The following CAB39 variants were observed in gnomAD, a reference collection of about 807,000 sequenced individuals.
CAB39 encodes calcium binding protein 39.
A neutral mutation model predicts 40.0 loss-of-function variants in CAB39; 8 were observed. That is an observed-to-expected ratio of 0.20 (90% CI 0.12 to 0.36). The LOEUF (loss-of-function observed/expected upper bound fraction) is 0.36. CAB39 is among the 10% of genes least tolerant of loss of function. The pLI is 1.00. For synonymous variants in CAB39, 156 were observed against 141.6 expected (o/e 1.10, Z -0.72); for missense variants, 270 against 401.1 (o/e 0.67, Z 2.79).
intron 1 of CAB39, among the ~76,000 whole-genome samples, chr2:230,754,629 C>T (rs1189043016): frequency 6.6e-6 from 1 of 152,174 alleles, no homozygotes; most frequent in East Asian, 1.9e-4. Flanking sequence ...AGCAGTCCTC[C>T]TGCCTCAGTC....
chr2:230,769,420 CATTT>C (rs1202111943), intron 2 of CAB39, among the ~76,000 whole-genome samples: 2 of 152,160 alleles, frequency 1.3e-5, no homozygotes, highest in East Asian at 3.8e-4. Flanking sequence ...ACCTGATTGA[CATTT>C]ATAGAACACT....
At chr2:230,720,997 G>A (rs541726805) in intron 1 of CAB39, among the ~76,000 whole-genome samples, 210 of 152,156 alleles carry the variant, frequency 1.4e-3, no homozygotes, top group Non-Finnish European at 2.1e-3. Context: ...TCTCTAGATT[G>A]TAATTTATTT....
chr2:230,813,500 G>T (rs1215274222), intron 6 of CAB39, among the ~76,000 whole-genome samples: 1 of 152,064 alleles, frequency 6.6e-6, no homozygotes, highest in African/African-American at 2.4e-5. Context: ...CACCTTCGTT[G>T]TCGGCCTGGT....
rs1160253213 is a variant in CAB39 at position 230,813,978 on chromosome 2, C to CTTTTTTTTTTTTT, written c.628-49_628-37dup. The CTTTTTTTTTTTTT allele has an allele frequency of 4.8e-4, 54 of 113,126 alleles. 13 individuals carry two copies. Among genetic ancestry groups the CTTTTTTTTTTTTT allele is most frequent in the East Asian group, 6.8e-4 (2 of 2,924 alleles). 7.0% of individuals were successfully genotyped at this position (113,126 alleles called of 1,614,324 possible). Reference sequence around the variant, plus strand: ...CTAATTTACAATGTTACCTACCAGTCTTTTTTTTTTTTTTTTTTTTTTTTT... The same window carrying CTTTTTTTTTTTTT: ...CTAATTTACAATGTTACCTACCAGTCTTTTTTTTTTTTTTTTTTTTTTTTTTTTTTTTTTTTTT... On this transcript the variant is annotated intron_variant, in intron 6 of 8. Coordinates refer to ENST00000258418, the MANE Select transcript of CAB39 (RefSeq NM_016289.4).
intron 1 of CAB39, among the ~76,000 whole-genome samples, chr2:230,724,726 C>G (rs1354214082): frequency 7.0e-6 from 1 of 142,318 alleles, no homozygotes; most frequent in Non-Finnish European, 1.5e-5. Flanking sequence ...AAAAAAACCT[C>G]TATGAGTAGT....
intron 7 of CAB39, among the ~76,000 whole-genome samples, chr2:230,817,076 A>G (rs887358117): frequency 1.3e-5 from 2 of 152,254 alleles, no homozygotes; most frequent in African/African-American, 4.8e-5. Context: ...TATATGATAT[A>G]ACCAACTCTC....
intron 1 of CAB39, among the ~76,000 whole-genome samples, chr2:230,758,297 C>CA (rs201939916): frequency 0.23 from 17,032 of 72,882 alleles, 1,774 homozygotes; most frequent in African/African-American, 0.36. Flanking sequence ...AGCGAGACTC[C>CA]AAAAAAAAAA....
chr2:230,786,467 A>G lies in CAB39; in HGVS notation c.115-4405A>G, dbSNP rs539714099. On this transcript the variant is annotated intron_variant, in intron 2 of 8. Transcript: ENST00000258418. ...AGTGGTTTTTAATTTATTCACAAAT[A>G]TGTGTAACCATAACCACAGTTAATT... is the stretch of plus-strand genomic sequence containing the variant. Among the ~76,000 whole-genome samples, 9 of 152,330 alleles carry G rather than the reference A, an allele frequency of 5.9e-5. No individual in the cohort carries two copies. In the East Asian group the frequency reaches 1.7e-3, roughly 29 times the overall value.
chr2:230,734,518 C>G (rs373967199), intron 1 of CAB39, among the ~76,000 whole-genome samples: 1 of 152,064 alleles, frequency 6.6e-6, no homozygotes. Flanking sequence ...GGGGAGTTGC[C>G]AGAAAGAAAT....
intron 1 of CAB39, among the ~76,000 whole-genome samples, chr2:230,727,895 T>C (rs1694615173): frequency 6.6e-6 from 1 of 152,076 alleles, no homozygotes; most frequent in African/African-American, 2.4e-5. Flanking sequence ...AAACATAAAC[T>C]AGATTTATTC....
chr2:230,737,987 C>G (rs980289702), intron 1 of CAB39, among the ~76,000 whole-genome samples: 5 of 152,198 alleles, frequency 3.3e-5, no homozygotes, highest in Admixed American at 2.0e-4. Context: ...TCACCCGATA[C>G]TTTATTACCC....
At chr2:230,797,954 AAGT>A (rs1442293986) in intron 4 of CAB39, among the ~76,000 whole-genome samples, 3 of 152,110 alleles carry the variant, frequency 2.0e-5, no homozygotes, top group Non-Finnish European at 4.4e-5. Context: ...GCTTGAGAGG[AAGT>A]AGAAGAGAGC....
chr2:230,725,441 C>T (rs374926640), intron 1 of CAB39: 56 of 1,521,112 alleles, frequency 3.7e-5, no homozygotes, highest in East Asian at 2.7e-4. Flanking sequence ...GTTCCCGTAA[C>T]GGTTCCTCCC....
intron 1 of CAB39, among the ~76,000 whole-genome samples, chr2:230,734,306 T>C (rs1694746893): frequency 6.6e-6 from 1 of 152,232 alleles, no homozygotes; most frequent in South Asian, 2.1e-4. Flanking sequence ...GACTAGTTTT[T>C]TCCACCTGAT....
chr2:230,795,950 T>C (rs1425298517), intron 4 of CAB39, among the ~76,000 whole-genome samples: 1 of 152,214 alleles, frequency 6.6e-6, no homozygotes, highest in African/African-American at 2.4e-5. Context: ...TTAAAAATTA[T>C]ATTTGATATG....
At chr2:230,793,062 GAA>G (rs1213307896) in intron 3 of CAB39, 149 bp from the exon 4 acceptor site, 19 of 547,728 alleles carry the variant, frequency 3.5e-5, no homozygotes, top group Non-Finnish European at 5.4e-5. Context: ...AATTACAAAT[GAA>G]GAGATAATTT....
intron 2 of CAB39, among the ~76,000 whole-genome samples, chr2:230,766,059 G>T (rs565016093): frequency 2.0e-5 from 3 of 152,176 alleles, no homozygotes; most frequent in Non-Finnish European, 4.4e-5. Flanking sequence ...TTCTTATCAG[G>T]ATTCGAAAGG....
chr2:230,794,974 G>A (rs953187589), intron 4 of CAB39, among the ~76,000 whole-genome samples: 6 of 152,078 alleles, frequency 3.9e-5, no homozygotes, highest in African/African-American at 7.2e-5. Context: ...TTTACAGTTC[G>A]TTTATTTAAT....
chr2:230,799,859 G>A (rs574837862), intron 5 of CAB39, among the ~76,000 whole-genome samples: 11 of 152,016 alleles, frequency 7.2e-5, no homozygotes, highest in Non-Finnish European at 1.5e-4. Context: ...GCGTAGTGGC[G>A]CATGCCTGTA....
Sources: allele counts gnomAD v4.1 joint callset (sites outside exome capture counted in the v4.1 genomes callset), GRCh38; gene constraint gnomAD v4.1.1; transcripts MANE v1.5; gene names NCBI Gene and HGNC (gene_info 2026-07-23, HGNC 2026-07-21).